The following NT5C2 variants were observed in gnomAD, a reference collection of about 807,000 sequenced individuals.
NT5C2 encodes the protein 5'-nucleotidase, cytosolic II, also known as cytosolic purine 5'-nucleotidase.
Under a neutral mutation model 76.1 loss-of-function variants are expected in NT5C2, and 58 were observed. The observed-to-expected ratio is 0.76, with a 90% confidence interval of 0.62 to 0.95. The LOEUF (loss-of-function observed/expected upper bound fraction) is 0.95. NT5C2 is among the 40% of genes least tolerant of loss of function. The pLI, the probability that NT5C2 is intolerant of heterozygous loss-of-function variation, is 0.00. For synonymous variants in NT5C2, 229 were observed against 237.4 expected, an observed-to-expected ratio of 0.96 and a Z score of 0.32; for missense variants, 478 against 690.3, an observed-to-expected ratio of 0.69 and a Z score of 3.45.
At chr10:103,100,213 TA>T (rs2135041889) in intron 8 of NT5C2, among the ~76,000 whole-genome samples, 194 bp from the exon 9 acceptor site, 1 of 152,340 alleles carries the variant, frequency 6.6e-6, no homozygotes, top group African/African-American at 2.4e-5. Context: ...TGGAATACAG[TA>T]ATTGTGAACA....
chr10:103,131,126 C>T (rs1164236602), intron 4 of NT5C2, among the ~76,000 whole-genome samples: 1 of 152,184 alleles, frequency 6.6e-6, no homozygotes, highest in Non-Finnish European at 1.5e-5. Flanking sequence ...TTCCAAAACA[C>T]GACTTTGAGA....
intron 4 of NT5C2, among the ~76,000 whole-genome samples, chr10:103,117,891 C>T (rs953065462): frequency 2.0e-5 from 3 of 151,204 alleles, no homozygotes; most frequent in Admixed American, 6.6e-5. Context: ...ATGGGGAAAA[C>T]GAGCTGGGTT....
chr10:103,104,476 T>C (rs529380838), intron 6 of NT5C2, among the ~76,000 whole-genome samples: 1 of 152,348 alleles, frequency 6.6e-6, no homozygotes, highest in Admixed American at 6.5e-5. Context: ...GTGTATAAAA[T>C]AGCTTAAGTT....
At chr10:103,108,671 G>A (rs558560522) in intron 4 of NT5C2, among the ~76,000 whole-genome samples, 1 of 152,156 alleles carries the variant, frequency 6.6e-6, no homozygotes, top group South Asian at 2.1e-4. Flanking sequence ...TTTTTAAAAA[G>A]CAAGCTGGGC....
intron 3 of NT5C2, among the ~76,000 whole-genome samples, chr10:103,159,662 AAAAG>A (rs1166690186): frequency 4.6e-5 from 7 of 151,952 alleles, no homozygotes; most frequent in Admixed American, 1.3e-4. Flanking sequence ...AAAAAAAAAA[AAAAG>A]AAAGAAAAGA....
At chr10:103,114,601 ACC>A (rs1210446265) in intron 4 of NT5C2, among the ~76,000 whole-genome samples, 2 of 152,174 alleles carry the variant, frequency 1.3e-5, no homozygotes, top group Non-Finnish European at 2.9e-5. Context: ...GTGTTTGACT[ACC>A]TTCTTCAAAG....
intron 1 of NT5C2, among the ~76,000 whole-genome samples, chr10:103,182,144 G>C (rs892672802): frequency 2.0e-5 from 3 of 152,154 alleles, no homozygotes; most frequent in African/African-American, 7.2e-5. Flanking sequence ...TCTGTTTCAA[G>C]TCAGGTCAGT....
At chr10:103,188,829 C>T (rs2092348835) in intron 1 of NT5C2, among the ~76,000 whole-genome samples, 2 of 152,070 alleles carry the variant, frequency 1.3e-5, no homozygotes, top group Admixed American at 1.3e-4. Context: ...TGGTGAAACC[C>T]CATCTCTACC....
intron 4 of NT5C2, among the ~76,000 whole-genome samples, chr10:103,109,773 C>T (rs998894942): frequency 2.0e-5 from 3 of 152,054 alleles, no homozygotes; most frequent in South Asian, 2.1e-4. Context: ...TCGAGTAAAA[C>T]CTATGTCTAT....
chr10:103,174,771 A>C (rs2089398051), intron 3 of NT5C2, 87 bp downstream of exon 3: 3 of 889,926 alleles, frequency 3.4e-6, no homozygotes, highest in Non-Finnish European at 5.6e-6. Flanking sequence ...TATTTACTTA[A>C]CCTCTCTGTA....
At chr10:103,150,824 A>T (rs932158432) in intron 3 of NT5C2, among the ~76,000 whole-genome samples, 1 of 152,228 alleles carries the variant, frequency 6.6e-6, no homozygotes, top group Non-Finnish European at 1.5e-5. Context: ...ATTGAATTAC[A>T]AGAGTTCTTC....
At chr10:103,091,528 G>C (rs10883830) in intron 16 of NT5C2, 36 bp downstream of exon 16, 1 of 1,511,180 alleles carries the variant, frequency 6.6e-7, no homozygotes, top group Admixed American at 1.7e-5. Context: ...TGATTCCTGA[G>C]TAAGTTTTTG....
At chr10:103,111,674 A>G (rs2073070689) in intron 4 of NT5C2, 2 of 1,032,998 alleles carry the variant, frequency 1.9e-6, no homozygotes, top group African/African-American at 1.7e-5. Flanking sequence ...TTATAGATTT[A>G]GAAAAATAAA....
chr10:103,170,420 G>C (rs1006437837), intron 3 of NT5C2, among the ~76,000 whole-genome samples: 9 of 151,874 alleles, frequency 5.9e-5, no homozygotes, highest in Non-Finnish European at 7.4e-5. Flanking sequence ...AAAGAACGTA[G>C]GGTACAGAAT....
At chr10:103,190,503 G>C (rs892411092) in intron 1 of NT5C2, among the ~76,000 whole-genome samples, 10 of 152,228 alleles carry the variant, frequency 6.6e-5, no homozygotes, top group African/African-American at 2.4e-4. Flanking sequence ...AGAACTTAAT[G>C]TGTGCCAGTA....
intron 1 of NT5C2, among the ~76,000 whole-genome samples, chr10:103,185,649 CA>C (rs78374465): frequency 1.9e-3 from 135 of 71,110 alleles, no homozygotes; most frequent in East Asian, 2.5e-3. Flanking sequence ...ACCCTGTCTC[CA>C]AAAAAAAAAA....
intron 3 of NT5C2, chr10:103,153,303 A>G: frequency 1.0e-5 from 13 of 1,282,102 alleles, no homozygotes; most frequent in Non-Finnish European, 1.2e-5. Context: ...TTCCTTAGAC[A>G]TTCTCAAAGA....
chr10:103,137,507 G>A (rs1368696539), intron 4 of NT5C2, among the ~76,000 whole-genome samples: 4 of 152,162 alleles, frequency 2.6e-5, no homozygotes, highest in Admixed American at 6.5e-5. Flanking sequence ...GTTTGAACAC[G>A]TATTATTCAT....
At chr10:103,102,560 T>C (rs1447703188) in intron 6 of NT5C2, among the ~76,000 whole-genome samples, 2 of 151,134 alleles carry the variant, frequency 1.3e-5, no homozygotes, top group African/African-American at 4.9e-5. Flanking sequence ...AGAGTCTCAC[T>C]CTGTCGGCCA....
Sources: gnomAD v4.1 joint callset for allele counts (sites outside exome capture counted in the v4.1 genomes callset) on GRCh38, gnomAD v4.1.1 for gene constraint, MANE v1.5 for transcripts, NCBI Gene and HGNC (gene_info 2026-07-23, HGNC 2026-07-21) for gene names.